Variants in TOM1L2 observed in about 807,000 individuals in gnomAD.
TOM1L2 encodes the protein target of myb1 like 2 membrane trafficking protein.
Under a neutral mutation model 67.9 loss-of-function variants are expected in TOM1L2, and 31 were observed. The ratio of observed to expected loss-of-function variants is 0.46; its 90% CI spans 0.34 to 0.62. TOM1L2 has a LOEUF of 0.62. Among genes scored for constraint, TOM1L2 ranks in the 20% least tolerant of loss-of-function variants. The probability of loss-of-function intolerance (pLI) is 0.01; values close to 1 mark genes in which losing one functional copy is unlikely to be tolerated. For missense variants in TOM1L2, 606 were observed against 663.5 expected (o/e 0.91, Z 0.95); for synonymous variants, 256 against 254.0 (o/e 1.01, Z -0.07).
intron 1 of TOM1L2, among the ~76,000 whole-genome samples, chr17:17,958,455 C>G (rs1238049976): frequency 6.6e-6 from 1 of 152,200 alleles, no homozygotes; most frequent in Non-Finnish European, 1.5e-5. Context: ...CAGTCAAAAA[C>G]AGGAGACTAA....
chr17:17,900,239 G>T (rs984196722), intron 2 of TOM1L2, among the ~76,000 whole-genome samples: 9 of 151,486 alleles, frequency 5.9e-5, no homozygotes, highest in African/African-American at 2.2e-4. Context: ...GAGAAAGTGT[G>T]TCCAGCATTA....
chr17:17,961,402 A>T (rs2041671425), intron 1 of TOM1L2, among the ~76,000 whole-genome samples: 2 of 152,082 alleles, frequency 1.3e-5, no homozygotes, highest in South Asian at 4.1e-4. Context: ...CCTTGCCACT[A>T]CAAAAAAATA....
chr17:17,866,809 C>T (rs2036870980), intron 9 of TOM1L2, 67 bp downstream of exon 9: 7 of 1,460,992 alleles, frequency 4.8e-6, no homozygotes, highest in Non-Finnish European at 6.7e-6. Context: ...GAGGTCTCTC[C>T]AGCCTCCAAA....
At chr17:17,878,251 G>C (rs1389982614) in intron 7 of TOM1L2, among the ~76,000 whole-genome samples, 1 of 152,248 alleles carries the variant, frequency 6.6e-6, no homozygotes, top group Non-Finnish European at 1.5e-5. Context: ...AGCCTGGGCT[G>C]ATGCAGGTGT....
intron 1 of TOM1L2, among the ~76,000 whole-genome samples, chr17:17,915,515 CTTTTT>C (rs201070873): frequency 6.6e-6 from 1 of 151,728 alleles, no homozygotes; most frequent in Non-Finnish European, 1.5e-5. Context: ...CCCCTCACCC[CTTTTT>C]TTTAAGAGAC....
intron 8 of TOM1L2, 92 bp from the exon 9 acceptor site, chr17:17,867,016 G>A: frequency 1.6e-6 from 2 of 1,232,460 alleles, no homozygotes; most frequent in Non-Finnish European, 2.4e-6. Flanking sequence ...GAATCCCTGG[G>A]ACCAAGACCA....
At position 17,866,559 on chromosome 17, in the gene TOM1L2, C is replaced by A. The variant is rs1028489304; in HGVS notation, c.961-140G>T. On this transcript the variant is annotated intron_variant, in intron 9 of 14. Transcript: ENST00000379504. ...AGTACAGAAGCAAGGCCACTTCCCC[C>A]ACCTGCCTTCCAGGTCCATGGTGGG... The A allele has an allele frequency of 2.3e-4, 269 of 1,154,630 alleles. 1 individual carries two copies. Among genetic ancestry groups the A allele is most frequent in the Non-Finnish European group, 3.1e-4 (258 of 843,506 alleles). The allele number at this position is 1,154,630 out of a possible 1,614,324, so 71.5% of individuals were successfully genotyped here. A position where few individuals can be genotyped will look rare whatever the true frequency, so the allele number is the denominator to read the frequency against.
chr17:17,894,975 A>ACATACATACATACATGCATG (rs1555598776), intron 3 of TOM1L2, among the ~76,000 whole-genome samples: 4 of 147,690 alleles, frequency 2.7e-5, no homozygotes, highest in Non-Finnish European at 4.5e-5. Flanking sequence ...ATACATACAT[A>ACATACATACATACATGCATG]CATGCATGCA....
At chr17:17,957,949 G>A (rs1437786806) in intron 1 of TOM1L2, among the ~76,000 whole-genome samples, 1 of 152,022 alleles carries the variant, frequency 6.6e-6, no homozygotes, top group Non-Finnish European at 1.5e-5. Context: ...AATTAGCCGG[G>A]CGTGGTGGTG....
Position 17,853,157 on chromosome 17 carries a change from A to C in TOM1L2, c.1279-2205T>G, listed in dbSNP as rs548188421. ...ATCATGCTCTCAATGACTGTAAGTC[A>C]GAATGTGTGGCCTCTGGGAGGACGC... On this transcript the variant is annotated intron_variant, in intron 12 of 14. Coordinates refer to ENST00000379504, the MANE Select transcript of TOM1L2 (RefSeq NM_001082968.2). Among the ~76,000 whole-genome samples the C allele has an allele frequency of 3.9e-5, 6 of 152,370 alleles. No homozygotes were observed. In the East Asian group the frequency reaches 1.2e-3, roughly 29 times the overall value.
At chr17:17,849,964 C>T (rs2035866797) in intron 13 of TOM1L2, among the ~76,000 whole-genome samples, 1 of 152,200 alleles carries the variant, frequency 6.6e-6, no homozygotes, top group African/African-American at 2.4e-5. Context: ...AGGCCCAGAG[C>T]AGCCAGAGGC....
chr17:17,970,392 T>C (rs1402513798), intron 1 of TOM1L2, among the ~76,000 whole-genome samples: 1 of 152,154 alleles, frequency 6.6e-6, no homozygotes, highest in Non-Finnish European at 1.5e-5. Context: ...CCCTTTAACT[T>C]CTACCCCTCA....
Position 17,844,686 on chromosome 17 carries a change from G to A in TOM1L2, c.*2949C>T, listed in dbSNP as rs547992797. 6.6e-6 allele frequency: 1 copy of A among 152,384 alleles called. No homozygotes were observed. The highest frequency in any genetic ancestry group is 2.4e-5 in the African/African-American group (1 of 41,584). 9.4% of individuals were successfully genotyped at this position (152,384 alleles called of 1,614,324 possible). Reference sequence around the variant, plus strand: ...GCTACTCTGCAGCAGGCAGGCCAAAGGCCCATGGTGCCAGGGGCCCAACTG... The same window carrying A: ...GCTACTCTGCAGCAGGCAGGCCAAAAGCCCATGGTGCCAGGGGCCCAACTG... On this transcript the variant is annotated 3_prime_UTR_variant, in exon 15 of 15. Transcript: ENST00000379504.
intron 8 of TOM1L2, chr17:17,868,916 T>C (rs58249969): frequency 6.0e-6 from 1 of 165,870 alleles, no homozygotes; most frequent in African/African-American, 2.4e-5. Flanking sequence ...TCTTTTTTTT[T>C]AAGATGGGAA....
intron 1 of TOM1L2, among the ~76,000 whole-genome samples, chr17:17,966,392 T>C (rs542812247): frequency 5.3e-5 from 8 of 152,354 alleles, no homozygotes; most frequent in African/African-American, 1.9e-4. Context: ...CTACATTTAA[T>C]GTTTGAAGAA....
intron 1 of TOM1L2, among the ~76,000 whole-genome samples, chr17:17,942,027 T>C (rs548709043): frequency 6.6e-6 from 1 of 152,318 alleles, no homozygotes; most frequent in South Asian, 2.1e-4. Flanking sequence ...CATGAACTTT[T>C]TATTTGAATG....
intron 1 of TOM1L2, among the ~76,000 whole-genome samples, chr17:17,942,436 TA>T (rs1160282123): frequency 6.6e-6 from 1 of 152,192 alleles, no homozygotes; most frequent in Non-Finnish European, 1.5e-5. Context: ...AAATGGGGAT[TA>T]AAAACTATAT....
rs563559027 is a variant in TOM1L2 at position 17,871,227 on chromosome 17, G to A, written c.778-1754C>T. On this transcript the variant is annotated intron_variant, in intron 7 of 14. Transcript: ENST00000379504. Reference sequence around the variant, plus strand: ...CTACTAAAAACACAAAAAATTAGCCGGGCGTTGGTGGCGGGCACCTGTAGT... The same window carrying A: ...CTACTAAAAACACAAAAAATTAGCCAGGCGTTGGTGGCGGGCACCTGTAGT... 9.2e-5 allele frequency among the ~76,000 whole-genome samples: 14 copies of A among 152,086 alleles called. No homozygotes were observed. The South Asian group carries it at 1.0e-3, about 11-fold the overall frequency.
chr17:17,920,584 C>T (rs936749025), intron 1 of TOM1L2, among the ~76,000 whole-genome samples: 6 of 151,390 alleles, frequency 4.0e-5, no homozygotes, highest in Non-Finnish European at 7.4e-5. Flanking sequence ...GTGATCCACC[C>T]GCCTTGGCCT....
Sources: allele counts gnomAD v4.1 joint callset (sites outside exome capture counted in the v4.1 genomes callset), GRCh38; gene constraint gnomAD v4.1.1; transcripts MANE v1.5; gene names NCBI Gene and HGNC (gene_info 2026-07-23, HGNC 2026-07-21).